RAB3C: variants seen among roughly 807,000 people sequenced by gnomAD.
RAB3C encodes ras-related protein Rab-3C.
RAB3C carries 17 observed loss-of-function variants against 26.4 expected under a neutral mutation model. The ratio of observed to expected loss-of-function variants is 0.64; its 90% CI spans 0.44 to 0.97. The LOEUF (loss-of-function observed/expected upper bound fraction) is 0.97, where lower values mean the gene tolerates loss of function less well. RAB3C is among the 50% of genes least tolerant of loss of function. RAB3C has a pLI of 0.00. For missense variants in RAB3C, 242 were observed against 281.9 expected (o/e 0.86, Z 1.01); for synonymous variants, 91 against 95.9 (o/e 0.95, Z 0.30).
At chr5:58,797,396 T>TATATATACAC (rs1561133620) in intron 3 of RAB3C, among the ~76,000 whole-genome samples, 14 of 116,810 alleles carry the variant, frequency 1.2e-4, no homozygotes, top group African/African-American at 4.6e-4. Context: ...TATATATATA[T>TATATATACAC]ACACAGAGAG....
intron 1 of RAB3C, among the ~76,000 whole-genome samples, chr5:58,597,231 C>A (rs796279945): frequency 5.0e-3 from 1 of 202 alleles, no homozygotes; most frequent in Non-Finnish European, 0.01. Flanking sequence ...ATAATATATA[C>A]TACACAATAT....
At chr5:58,760,700 T>C (rs1332414624) in intron 3 of RAB3C, among the ~76,000 whole-genome samples, 1 of 152,228 alleles carries the variant, frequency 6.6e-6, no homozygotes, top group Admixed American at 6.5e-5. Context: ...ATACTGATTA[T>C]TGAGAAAGTG....
At chr5:58,600,928 T>C (rs1746439415) in intron 1 of RAB3C, among the ~76,000 whole-genome samples, 1 of 152,150 alleles carries the variant, frequency 6.6e-6, no homozygotes, top group South Asian at 2.1e-4. Context: ...GTTCCAGTTC[T>C]CAGAGGGAAT....
At chr5:58,746,853 A>G (rs942091854) in intron 3 of RAB3C, among the ~76,000 whole-genome samples, 3 of 152,232 alleles carry the variant, frequency 2.0e-5, no homozygotes, top group African/African-American at 4.8e-5. Context: ...ACTACTGTTG[A>G]TATTTTATTG....
chr5:58,729,875 A>T (rs1055126310), intron 3 of RAB3C, among the ~76,000 whole-genome samples: 3 of 146,520 alleles, frequency 2.0e-5, no homozygotes, highest in African/African-American at 7.5e-5. Flanking sequence ...TATTTATATT[A>T]TATATACACA....
chr5:58,684,742 C>G (rs1371747921), intron 2 of RAB3C, among the ~76,000 whole-genome samples: 7 of 152,208 alleles, frequency 4.6e-5, no homozygotes, highest in Middle Eastern at 3.4e-3. Context: ...TCTGGGGGAT[C>G]AGAAGTCATC....
Position 58,612,451 on chromosome 5 carries a change from CCTGGTTAG to C in RAB3C, c.25-5172_25-5165del, listed in dbSNP as rs144629298. ...TGTTTTTGTAGAAATCTTTCAGTTC[CCTGGTTAG>C]CTGGTTAGCTGGTTAGCTGTGTTCC... On this transcript the variant is annotated intron_variant, in intron 1 of 4. Transcript: ENST00000282878. Among the ~76,000 whole-genome samples, 922 of 144,212 alleles carry C rather than the reference CCTGGTTAG, an allele frequency of 6.4e-3. 7 individuals are homozygous for C. Among genetic ancestry groups the C allele is most frequent in the African/African-American group, 0.022 (846 of 38,316 alleles). The allele number at this position is 144,212 out of a possible 152,430, so 94.6% of individuals were successfully genotyped here. A position where few individuals can be genotyped will look rare whatever the true frequency, so the allele number is the denominator to read the frequency against.
At chr5:58,676,650 C>T (rs1748234249) in intron 2 of RAB3C, among the ~76,000 whole-genome samples, 1 of 152,038 alleles carries the variant, frequency 6.6e-6, no homozygotes, top group Non-Finnish European at 1.5e-5. Context: ...TTGATCACCC[C>T]CTTAGCATGT....
At chr5:58,817,199 A>G (rs1743236038) in intron 3 of RAB3C, 1 of 152,210 alleles carries the variant, frequency 6.6e-6, no homozygotes. Context: ...ATTTTCACCA[A>G]AATGTTAATA....
At chr5:58,836,730 T>C (rs1743755864) in intron 4 of RAB3C, among the ~76,000 whole-genome samples, 1 of 152,228 alleles carries the variant, frequency 6.6e-6, no homozygotes, top group African/African-American at 2.4e-5. Context: ...TTTTTTATAG[T>C]TGGGCATATT....
intron 4 of RAB3C, among the ~76,000 whole-genome samples, chr5:58,847,968 T>A (rs931835471): frequency 4.6e-5 from 7 of 152,294 alleles, no homozygotes; most frequent in East Asian, 1.9e-4. Context: ...GCGATTCTCC[T>A]GGCTCAGCCT....
chr5:58,594,058 T>C (rs1427164301), intron 1 of RAB3C, among the ~76,000 whole-genome samples: 1 of 152,284 alleles, frequency 6.6e-6, no homozygotes, highest in Admixed American at 6.5e-5. Flanking sequence ...AGAGGTAAGG[T>C]CATCAGCCTC....
intron 2 of RAB3C, among the ~76,000 whole-genome samples, chr5:58,721,128 A>G (rs549492079): frequency 1.3e-5 from 2 of 151,818 alleles, no homozygotes; most frequent in African/African-American, 4.8e-5. Context: ...TCTATTTTAT[A>G]GTTTTTTCTT....
intron 2 of RAB3C, among the ~76,000 whole-genome samples, chr5:58,700,987 T>C (rs1748830703): frequency 2.0e-5 from 3 of 151,286 alleles, no homozygotes; most frequent in African/African-American, 7.3e-5. Flanking sequence ...TATTTATTTA[T>C]TTATTTATTT....
At chr5:58,584,948 G>GTAGT (rs1446038757) in intron 1 of RAB3C, among the ~76,000 whole-genome samples, 1 of 152,024 alleles carries the variant, frequency 6.6e-6, no homozygotes, top group Non-Finnish European at 1.5e-5. Context: ...CACCAACTAT[G>GTAGT]TAGTAGGCAC....
At chr5:58,701,503 C>T (rs931163732) in intron 2 of RAB3C, among the ~76,000 whole-genome samples, 2 of 152,094 alleles carry the variant, frequency 1.3e-5, no homozygotes, top group African/African-American at 4.8e-5. Flanking sequence ...AATCCATTCC[C>T]ATTGAACATG....
chr5:58,638,333 A>T (rs1396521640), intron 2 of RAB3C, among the ~76,000 whole-genome samples: 4 of 150,776 alleles, frequency 2.7e-5, no homozygotes, highest in African/African-American at 9.8e-5. Context: ...CTTTATTTTC[A>T]TTGATTTGTG....
intron 3 of RAB3C, among the ~76,000 whole-genome samples, chr5:58,790,935 C>T (rs555838033): frequency 2.6e-5 from 4 of 152,092 alleles, no homozygotes; most frequent in Non-Finnish European, 5.9e-5. Flanking sequence ...ATCAGTTTCC[C>T]CCTTCCATTC....
chr5:58,657,939 T>C (rs945167741), intron 2 of RAB3C, among the ~76,000 whole-genome samples: 16 of 152,170 alleles, frequency 1.1e-4, no homozygotes, highest in African/African-American at 3.6e-4. Flanking sequence ...AAAATTTATT[T>C]TTAAATGCAA....
Sources: gnomAD v4.1 joint callset for allele counts (sites outside exome capture counted in the v4.1 genomes callset) on GRCh38, gnomAD v4.1.1 for gene constraint, MANE v1.5 for transcripts, NCBI Gene and HGNC (gene_info 2026-07-23, HGNC 2026-07-21) for gene names.